Variants in GRIK1 observed in about 807,000 individuals in gnomAD.
GRIK1 encodes the protein glutamate ionotropic receptor kainate type subunit 1.
Under a neutral mutation model 105.7 loss-of-function variants are expected in GRIK1, and 69 were observed. The observed-to-expected ratio is 0.65, with a 90% CI of 0.54 to 0.80. GRIK1 has a LOEUF of 0.80. GRIK1 is among the 30% of genes least tolerant of loss of function. The pLI, the probability that GRIK1 is intolerant of heterozygous loss-of-function variation, is 0.00. For synonymous variants in GRIK1, 438 were observed against 431.3 expected (o/e 1.02, Z -0.19); for missense variants, 1,109 against 1,167.3 (o/e 0.95, Z 0.73).
chr21:29,754,396 T>C (rs560656560), intron 1 of GRIK1, among the ~76,000 whole-genome samples: 1 of 152,306 alleles, frequency 6.6e-6, no homozygotes, highest in African/African-American at 2.4e-5. Flanking sequence ...AAACTTCCTA[T>C]AGAAAATGCA....
chr21:29,544,232 C>G (rs1282474931), intron 16 of GRIK1, among the ~76,000 whole-genome samples: 1 of 152,104 alleles, frequency 6.6e-6, no homozygotes, highest in Non-Finnish European at 1.5e-5. Flanking sequence ...CATTTAGAAA[C>G]CTTATTCTCT....
chr21:29,837,713 C>T (rs2067847434), intron 1 of GRIK1, among the ~76,000 whole-genome samples: 1 of 152,034 alleles, frequency 6.6e-6, no homozygotes, highest in African/African-American at 2.4e-5. Flanking sequence ...ATAAATATAT[C>T]AAACTTAAAG....
intron 1 of GRIK1, among the ~76,000 whole-genome samples, chr21:29,869,715 T>C (rs771542822): frequency 4.6e-5 from 7 of 152,172 alleles, no homozygotes; most frequent in African/African-American, 1.7e-4. Flanking sequence ...TATGGACATA[T>C]AAAATACATG....
chr21:29,674,079 T>TG (rs1200667006), intron 3 of GRIK1, among the ~76,000 whole-genome samples: 2 of 149,426 alleles, frequency 1.3e-5, no homozygotes, highest in African/African-American at 4.9e-5. Context: ...TTTTTGTTGT[T>TG]TTTTTTTTTT....
intron 7 of GRIK1, among the ~76,000 whole-genome samples, chr21:29,624,338 T>A (rs1054804008): frequency 6.6e-6 from 1 of 152,334 alleles, no homozygotes; most frequent in South Asian, 2.1e-4. Context: ...TAATTAGATG[T>A]TAGTACCAGC....
chr21:29,666,122 A>G (rs1601406821), intron 4 of GRIK1, among the ~76,000 whole-genome samples: 1 of 152,280 alleles, frequency 6.6e-6, no homozygotes, highest in East Asian at 1.9e-4. Context: ...TAAATAAATA[A>G]GCCAGGCTTG....
intron 14 of GRIK1, among the ~76,000 whole-genome samples, chr21:29,575,831 C>G (rs2146234285): frequency 6.6e-6 from 1 of 151,938 alleles, no homozygotes; most frequent in East Asian, 1.9e-4. Flanking sequence ...GACTCCATCT[C>G]AAAACAAAAA....
intron 1 of GRIK1, among the ~76,000 whole-genome samples, chr21:29,907,673 G>C (rs1245315030): frequency 6.6e-6 from 1 of 152,008 alleles, no homozygotes; most frequent in Non-Finnish European, 1.5e-5. Flanking sequence ...ATGAAAATAA[G>C]AGCTAAACCT....
intron 5 of GRIK1, 62 bp from the exon 6 acceptor site, chr21:29,651,353 A>G (rs2062732949): frequency 9.0e-7 from 1 of 1,108,440 alleles, no homozygotes. Flanking sequence ...TTTATACAAA[A>G]GAATATTAAT....
At chr21:29,621,954 T>C (rs962943568) in intron 7 of GRIK1, among the ~76,000 whole-genome samples, 5 of 150,330 alleles carry the variant, frequency 3.3e-5, no homozygotes, top group African/African-American at 1.2e-4. Flanking sequence ...CTTTTTTCTT[T>C]TTTTTTTTTG....
intron 1 of GRIK1, among the ~76,000 whole-genome samples, chr21:29,773,187 C>G (rs966486565): frequency 1.3e-5 from 2 of 152,204 alleles, no homozygotes; most frequent in African/African-American, 4.8e-5. Flanking sequence ...AGGAACAGGG[C>G]TCTCGTCTGC....
chr21:29,933,168 A>T (rs2071633228), intron 1 of GRIK1, among the ~76,000 whole-genome samples: 1 of 152,162 alleles, frequency 6.6e-6, no homozygotes, highest in South Asian at 2.1e-4. Flanking sequence ...TTCCGGGTAC[A>T]TGGGCAGTAT....
chr21:29,711,604 C>A (rs1482606260), intron 1 of GRIK1, among the ~76,000 whole-genome samples: 1 of 151,940 alleles, frequency 6.6e-6, no homozygotes, highest in Non-Finnish European at 1.5e-5. Context: ...TGCTTCCATG[C>A]AATCTATACT....
At chr21:29,573,254 A>G (rs1022520104) in intron 14 of GRIK1, among the ~76,000 whole-genome samples, 4 of 152,180 alleles carry the variant, frequency 2.6e-5, no homozygotes, top group African/African-American at 9.7e-5. Context: ...CCTCATTTTC[A>G]GGACCAGGGA....
chr21:29,771,029 T>C (rs1424300421), intron 1 of GRIK1, among the ~76,000 whole-genome samples: 3 of 152,228 alleles, frequency 2.0e-5, no homozygotes, highest in Admixed American at 6.5e-5. Flanking sequence ...TAATTAAATG[T>C]GGTTTCTATT....
intron 1 of GRIK1, among the ~76,000 whole-genome samples, chr21:29,848,190 A>G (rs1197943977): frequency 2.0e-5 from 3 of 152,156 alleles, no homozygotes; most frequent in African/African-American, 7.2e-5. Context: ...AAGACCCTTA[A>G]TGCCATCAAT....
intron 15 of GRIK1, 77 bp downstream of exon 15, chr21:29,561,547 A>G: frequency 1.1e-6 from 1 of 900,710 alleles, no homozygotes; most frequent in Non-Finnish European, 1.8e-6. Flanking sequence ...TGGAATAAAG[A>G]ACTCTGAGCC....
chr21:29,649,759 C>T (rs2146551980), intron 6 of GRIK1, among the ~76,000 whole-genome samples: 1 of 152,256 alleles, frequency 6.6e-6, no homozygotes, highest in Middle Eastern at 3.4e-3. Flanking sequence ...TGGCATAAGT[C>T]CACAGTCTGT....
chr21:29,833,374 T>G (rs979034831), intron 1 of GRIK1, among the ~76,000 whole-genome samples: 2 of 152,160 alleles, frequency 1.3e-5, no homozygotes, highest in Non-Finnish European at 2.9e-5. Context: ...CCACTCCCAG[T>G]ACCAATTTTC....
Sources: allele counts gnomAD v4.1 joint callset (sites outside exome capture counted in the v4.1 genomes callset), GRCh38; gene constraint gnomAD v4.1.1; transcripts MANE v1.5; gene names NCBI Gene and HGNC (gene_info 2026-07-23, HGNC 2026-07-21).